NCAPD3: variants seen among roughly 807,000 people sequenced by gnomAD.
The protein encoded by NCAPD3 is non-SMC condensin II complex subunit D3.
NCAPD3 carries 105 observed loss-of-function variants against 182.9 expected under a neutral mutation model. That is an observed-to-expected ratio of 0.57 (90% confidence interval 0.49 to 0.68). NCAPD3 has a LOEUF of 0.68. NCAPD3 is among the 30% of genes least tolerant of loss of function. The pLI, the probability that NCAPD3 is intolerant of heterozygous loss-of-function variation, is 0.00. For missense variants in NCAPD3, 1,944 were observed against 1,837.0 expected (o/e 1.06, Z -1.07); for synonymous variants, 815 against 679.9 (o/e 1.20, Z -3.09).
chr11:134,152,777 A>G lies in NCAPD3; in HGVS notation c.*167T>C, dbSNP rs1415277617. ...TTGACAGTGTTTAACCAAATACATC[A>G]TACAGAATAGAAGGTGAGTGCCAGG... On this transcript the variant is annotated 3_prime_UTR_variant, in exon 35 of 35. Coordinates refer to ENST00000534548, the MANE Select transcript of NCAPD3 (RefSeq NM_015261.3). The G allele has an allele frequency of 1.7e-6, 1 of 571,438 alleles. No homozygotes were observed. Among genetic ancestry groups the G allele is most frequent in the Non-Finnish European group, 3.1e-6 (1 of 325,954 alleles). The allele number at this position is 571,438 out of a possible 1,614,324, so 35.4% of individuals were successfully genotyped here.
At chr11:134,182,342 T>G (rs1407701376) in intron 19 of NCAPD3, among the ~76,000 whole-genome samples, 1 of 152,220 alleles carries the variant, frequency 6.6e-6, no homozygotes, top group Non-Finnish European at 1.5e-5. Context: ...TCTCTGCAGT[T>G]CACCAAAATT....
intron 24 of NCAPD3, among the ~76,000 whole-genome samples, chr11:134,169,635 C>T (rs902157187): frequency 1.2e-4 from 18 of 152,246 alleles, no homozygotes; most frequent in Non-Finnish European, 2.5e-4. Flanking sequence ...GGGCACTCTC[C>T]TTCCACCCAT....
chr11:134,156,371 A>T (rs1943419429), intron 32 of NCAPD3, among the ~76,000 whole-genome samples: 1 of 152,234 alleles, frequency 6.6e-6, no homozygotes, highest in Non-Finnish European at 1.5e-5. Flanking sequence ...ACTACTCCAC[A>T]GATTTAGGAC....
intron 27 of NCAPD3, among the ~76,000 whole-genome samples, chr11:134,163,887 A>AAG (rs1555126941): frequency 1.7e-4 from 25 of 144,694 alleles, no homozygotes; most frequent in Middle Eastern, 3.5e-3. Context: ...AAAAAAAAAA[A>AAG]AAAAAGAAAA....
chr11:134,203,634 C>T lies in NCAPD3; in HGVS notation c.1468+20G>A. 1 of 1,606,118 alleles carries T rather than the reference C, an allele frequency of 6.2e-7. No homozygotes were observed. On this transcript the variant is annotated intron_variant, in intron 11 of 34. Coordinates refer to ENST00000534548, the MANE Select transcript of NCAPD3 (RefSeq NM_015261.3). ...ATGAGCACAAGACCGGTTTACTGTC[C>T]CAATAGTCGCCATACTCACTGTTAA...
chr11:134,166,921 G>A (rs1207180394), intron 27 of NCAPD3, among the ~76,000 whole-genome samples: 1 of 123,490 alleles, frequency 8.1e-6, no homozygotes, highest in Non-Finnish European at 1.7e-5. Flanking sequence ...GCACACTCGT[G>A]AGATGAGCTT....
In NCAPD3 at chr11:134,150,855, C is replaced by T. The variant is rs530777526; in HGVS notation, c.*2089G>A. 1 of 152,108 alleles carries T rather than the reference C, an allele frequency of 6.6e-6. No individual in the cohort carries two copies. Among genetic ancestry groups the T allele is most frequent in the Non-Finnish European group, 1.5e-5 (1 of 68,018 alleles). 9.4% of individuals were successfully genotyped at this position (152,108 alleles called of 1,614,324 possible). On this transcript the variant is annotated 3_prime_UTR_variant, in exon 35 of 35. Transcript: ENST00000534548. ...GCGGCCAGTCCAGCCTTTTAAAGAA[C>T]GTCAGGTGGAGCAGCCAGGTGAAAG... is the stretch of plus-strand genomic sequence containing the variant.
At chr11:134,173,406 G>A (rs1033091631) in intron 24 of NCAPD3, 105 of 153,640 alleles carry the variant, frequency 6.8e-4, no homozygotes, top group African/African-American at 2.4e-3. Flanking sequence ...TGTGCAAGAG[G>A]TAGAAAGCCT....
chr11:134,199,981 C>T (rs1336543699), intron 13 of NCAPD3, among the ~76,000 whole-genome samples: 1 of 152,050 alleles, frequency 6.6e-6, no homozygotes, highest in Non-Finnish European at 1.5e-5. Flanking sequence ...ACAAGGGTGC[C>T]AAGACACTCA....
Position 134,176,390 on chromosome 11 carries a change from T to C in NCAPD3, c.3022-4A>G, listed in dbSNP as rs1424517163. 4 of 1,613,544 alleles carry C rather than the reference T, an allele frequency of 2.5e-6. No individual in the cohort carries two copies. The highest frequency in any genetic ancestry group is 2.2e-5 in the East Asian group (1 of 44,876). On this transcript the variant is annotated splice_polypyrimidine_tract_variant and splice_region_variant and intron_variant, in intron 23 of 34. Coordinates refer to ENST00000534548, the MANE Select transcript of NCAPD3 (RefSeq NM_015261.3). ...CCTTCCATTTCACAAATTCCTCCTG[T>C]GCAGAGAGAAGCCGGCATGTTTCAG...
At chr11:134,205,430 G>C (rs1273326583) in intron 8 of NCAPD3, among the ~76,000 whole-genome samples, 1 of 151,598 alleles carries the variant, frequency 6.6e-6, no homozygotes, top group Admixed American at 6.6e-5. Flanking sequence ...GCTCAGGCTG[G>C]AGCGCAATGG....
Position 134,192,865 on chromosome 11 carries a change from C to G in NCAPD3, c.1869G>C (p.Gly623=), listed in dbSNP as rs781692276. 6.2e-7 allele frequency: 1 copy of G among 1,613,978 alleles called. No individual in the cohort carries two copies. The highest frequency in any genetic ancestry group is 8.5e-7 in the Non-Finnish European group (1 of 1,179,870). ...CGCAGTCCATCACCACCGGGACCAC[C>G]CCCCGCAACCAGGCTTTCTGGATCT... The part of the protein sequence containing the change: ...CVQIQKAWLR[G]VVPVVMDCES... The change falls in exon 16 of 35, where the codon GGG becomes GGC. Residue 623 remains glycine, a synonymous_variant. Transcript: ENST00000534548.
chr11:134,182,405 C>T (rs1057284327), intron 19 of NCAPD3, among the ~76,000 whole-genome samples: 1 of 152,212 alleles, frequency 6.6e-6, no homozygotes, highest in African/African-American at 2.4e-5. Flanking sequence ...CCAAATAAAT[C>T]CAATTCTTTT....
chr11:134,194,677 C>T lies in NCAPD3; in HGVS notation c.1677G>A (p.Lys559=). 1 of 1,603,966 alleles carries T rather than the reference C, an allele frequency of 6.2e-7. No individual in the cohort carries two copies. Among genetic ancestry groups the T allele is most frequent in the Non-Finnish European group, 8.5e-7 (1 of 1,175,314 alleles). The change falls in exon 14 of 35, where the codon AAG becomes AAA. Residue 559 remains lysine, a synonymous_variant. Transcript: ENST00000534548. The part of the protein sequence containing the change: ...RIRDEKTNVR[K]SALQVLVSIL... ...AGAAAACTCCCACCTGCAGTGCAGA[C>T]TTCCTAACGTTGGTCTTCTCATCCC...
intron 3 of NCAPD3, among the ~76,000 whole-genome samples, chr11:134,211,563 G>C (rs1334521251): frequency 1.3e-5 from 2 of 152,010 alleles, no homozygotes; most frequent in African/African-American, 4.8e-5. Context: ...TAAAAAGCAG[G>C]AAAATGTGCC....
At chr11:134,181,898 C>A (rs906688195) in intron 19 of NCAPD3, among the ~76,000 whole-genome samples, 3 of 152,182 alleles carry the variant, frequency 2.0e-5, no homozygotes, top group African/African-American at 7.2e-5. Context: ...TGTGCACGCA[C>A]CTCCCCCACT....
At chr11:134,203,513 A>AGTT in intron 11 of NCAPD3, 141 bp downstream of exon 11, 1 of 1,167,516 alleles carries the variant, frequency 8.6e-7, no homozygotes, top group South Asian at 1.6e-5. Context: ...TTGGCAAGAA[A>AGTT]ATATACTAAA....
chr11:134,177,783 G>A (rs1316446745), intron 22 of NCAPD3: 1 of 302,706 alleles, frequency 3.3e-6, no homozygotes, highest in African/African-American at 2.1e-5. Context: ...CCTGAGAGGT[G>A]AAACATTTTA....
chr11:134,183,077 T>C, intron 19 of NCAPD3: 2 of 456,086 alleles, frequency 4.4e-6, no homozygotes, highest in Non-Finnish European at 4.4e-6. Flanking sequence ...CTAATGGCCC[T>C]GGGCCAGCAG....
Sources: allele counts gnomAD v4.1 joint callset (sites outside exome capture counted in the v4.1 genomes callset), GRCh38; gene constraint gnomAD v4.1.1; transcripts MANE v1.5; gene names NCBI Gene and HGNC (gene_info 2026-07-23, HGNC 2026-07-21).